Variants in ICA1 observed in about 807,000 individuals in gnomAD.
ICA1 encodes the protein 69 kDa islet cell autoantigen.
In ICA1, 40 loss-of-function variants were observed where a neutral mutation model predicts 71.0. That is an observed-to-expected ratio of 0.56 (90% CI 0.44 to 0.73). The LOEUF (loss-of-function observed/expected upper bound fraction) is 0.73, where lower values mean the gene tolerates loss of function less well. ICA1 is among the 30% of genes least tolerant of loss of function. The pLI, the probability that ICA1 is intolerant of heterozygous loss-of-function variation, is 0.00. For missense variants in ICA1, 578 were observed against 576.5 expected (o/e 1.00, Z -0.03); for synonymous variants, 207 against 209.5 (o/e 0.99, Z 0.10).
chr7:8,163,020 TC>T (rs202005113), intron 6 of ICA1, among the ~76,000 whole-genome samples: 1,881 of 152,330 alleles, frequency 0.012, 17 homozygotes, highest in Non-Finnish European at 0.02. Context: ...CGCCTTGGCC[TC>T]CCAAAGTGCT....
At chr7:8,198,922 A>G (rs1788603742) in intron 6 of ICA1, among the ~76,000 whole-genome samples, 1 of 152,238 alleles carries the variant, frequency 6.6e-6, no homozygotes, top group Non-Finnish European at 1.5e-5. Flanking sequence ...ATAATCTGAT[A>G]TAAAAGTGGG....
chr7:8,243,633 G>C (rs544489158), intron 1 of ICA1, among the ~76,000 whole-genome samples: 1 of 152,198 alleles, frequency 6.6e-6, no homozygotes, highest in Non-Finnish European at 1.5e-5. Flanking sequence ...AATTGTCCCT[G>C]TTTGCAGATG....
chr7:8,257,954 T>C (rs1392328426), intron 1 of ICA1, among the ~76,000 whole-genome samples: 1 of 152,184 alleles, frequency 6.6e-6, no homozygotes, highest in African/African-American at 2.4e-5. Flanking sequence ...CACATACACA[T>C]GGTTGGGAGT....
At chr7:8,241,102 A>G (rs1803699633) in intron 1 of ICA1, among the ~76,000 whole-genome samples, 1 of 152,198 alleles carries the variant, frequency 6.6e-6, no homozygotes, top group South Asian at 2.1e-4. Context: ...CAACCCCAAG[A>G]CACATAACTG....
intron 6 of ICA1, among the ~76,000 whole-genome samples, chr7:8,201,974 T>C (rs1423274105): frequency 6.6e-6 from 1 of 151,892 alleles, no homozygotes; most frequent in Non-Finnish European, 1.5e-5. Context: ...GGACAGGGAG[T>C]GGCCTCAAGG....
chr7:8,200,341 A>AG (rs1789173228), intron 6 of ICA1, among the ~76,000 whole-genome samples: 1 of 149,302 alleles, frequency 6.7e-6, no homozygotes, highest in African/African-American at 2.4e-5. Flanking sequence ...AGTTGAGCAA[A>AG]AAAAAAAAAA....
chr7:8,216,609 C>T (rs190277965), intron 6 of ICA1, among the ~76,000 whole-genome samples: 6 of 135,730 alleles, frequency 4.4e-5, no homozygotes, highest in Admixed American at 4.4e-4. Flanking sequence ...ACATAAAATT[C>T]TTCTGCCTTC....
At chr7:8,171,459 G>A (rs971863099) in intron 6 of ICA1, among the ~76,000 whole-genome samples, 15 of 151,770 alleles carry the variant, frequency 9.9e-5, no homozygotes, top group Admixed American at 7.9e-4. Context: ...TTCTTTTAGT[G>A]CCTGTACTGT....
At chr7:8,186,912 G>A (rs1784091769) in intron 6 of ICA1, among the ~76,000 whole-genome samples, 1 of 152,106 alleles carries the variant, frequency 6.6e-6, no homozygotes, top group Non-Finnish European at 1.5e-5. Context: ...TAGCACACAG[G>A]CTATTATCTT....
In ICA1 at chr7:8,123,995, T is replaced by G. The variant is rs1788040940; in HGVS notation, c.1330+3878A>C. ...CTGGCTGGGAAGGGTACGGTGAGGATTAAAATTCATCCATGTGAAAAGCAC... is the reference window on the plus strand; with the variant it reads ...CTGGCTGGGAAGGGTACGGTGAGGAGTAAAATTCATCCATGTGAAAAGCAC... On this transcript the variant is annotated intron_variant, in intron 13 of 13. Transcript: ENST00000402384. This position sits in a 1 kb window ranked among gnomAD's most constrained non-coding sequence, Gnocchi z 4.1. Among the ~76,000 whole-genome samples, 1 of 152,200 alleles carries G rather than the reference T, an allele frequency of 6.6e-6. No individual in the cohort carries two copies. The highest frequency in any genetic ancestry group is 6.5e-5 in the Admixed American group (1 of 15,282).
At chr7:8,190,548 T>C (rs756328962) in intron 6 of ICA1, among the ~76,000 whole-genome samples, 60 of 152,208 alleles carry the variant, frequency 3.9e-4, no homozygotes, top group Non-Finnish European at 1.2e-4. Context: ...TGGTGCCCCC[T>C]GCAGGATTCT....
intron 13 of ICA1, 162 bp from the exon 14 acceptor site, chr7:8,114,206 G>A (rs749479404): frequency 2.0e-5 from 15 of 735,208 alleles, no homozygotes; most frequent in Non-Finnish European, 3.1e-5. Context: ...CAACTCCCGT[G>A]GCTGGTTGGC....
At chr7:8,160,370 G>A (rs957288003) in intron 6 of ICA1, among the ~76,000 whole-genome samples, 1 of 152,154 alleles carries the variant, frequency 6.6e-6, no homozygotes, top group African/African-American at 2.4e-5. Flanking sequence ...TTTGGCTGCT[G>A]TTATTACTGT....
chr7:8,251,192 A>AT (rs1808060029), intron 1 of ICA1, among the ~76,000 whole-genome samples: 1 of 152,066 alleles, frequency 6.6e-6, no homozygotes, highest in South Asian at 2.1e-4. Flanking sequence ...CCAGCCAGAT[A>AT]TTTTTAAATG....
intron 13 of ICA1, among the ~76,000 whole-genome samples, chr7:8,125,166 A>G (rs1266839992): frequency 1.3e-5 from 2 of 152,196 alleles, no homozygotes; most frequent in African/African-American, 4.8e-5. Flanking sequence ...TGACCCTTTT[A>G]AATAGGAAAT....
At chr7:8,221,214 T>C (rs1012445354) in intron 5 of ICA1, 61 bp downstream of exon 5, 3 of 1,601,098 alleles carry the variant, frequency 1.9e-6, no homozygotes, top group East Asian at 2.2e-5. Flanking sequence ...CTTTCGTGAG[T>C]AGGTGGGTCC....
At chr7:8,210,488 GAAAT>G (rs1331928789) in intron 6 of ICA1, among the ~76,000 whole-genome samples, 6 of 152,074 alleles carry the variant, frequency 3.9e-5, no homozygotes, top group Non-Finnish European at 5.9e-5. Flanking sequence ...ACTAAAAGCA[GAAAT>G]AATATAAAAG....
intron 8 of ICA1, among the ~76,000 whole-genome samples, chr7:8,152,577 ATCTCCTT>A (rs1799290956): frequency 7.2e-6 from 1 of 138,998 alleles, no homozygotes; most frequent in African/African-American, 2.6e-5. Flanking sequence ...CACCACCACC[ATCTCCTT>A]CACCACCACT....
In ICA1 at chr7:8,132,788, C is replaced by A. The variant is rs569226206; in HGVS notation, c.1061-4646G>T. ...TTCTATTCTTAGGGTTCCAATGTCACCTCAGAAGGTTCTCCAATCTCTACC... is the reference window on the plus strand; with the variant it reads ...TTCTATTCTTAGGGTTCCAATGTCAACTCAGAAGGTTCTCCAATCTCTACC... On this transcript the variant is annotated intron_variant, in intron 12 of 13. Transcript: ENST00000402384. This position sits in a 1 kb window ranked among gnomAD's most constrained non-coding sequence, Gnocchi z 4.5. 3.9e-5 allele frequency among the ~76,000 whole-genome samples: 6 copies of A among 152,360 alleles called. No individual in the cohort carries two copies. The East Asian group carries it at 1.2e-3, about 29-fold the overall frequency.
Sources: gnomAD v4.1 joint callset for allele counts (sites outside exome capture counted in the v4.1 genomes callset) on GRCh38, gnomAD v4.1.1 for gene constraint, Gnocchi (gnomAD v3.1) non-coding constraint, MANE v1.5 for transcripts, NCBI Gene and HGNC (gene_info 2026-07-23, HGNC 2026-07-21) for gene names.